The following JAKMIP3 variants were observed in gnomAD, a reference collection of about 807,000 sequenced individuals.
The protein encoded by JAKMIP3 is Janus kinase and microtubule interacting protein 3.
A neutral mutation model predicts 118.5 loss-of-function variants in JAKMIP3; 58 were observed. The ratio of observed to expected loss-of-function variants is 0.49; its 90% CI spans 0.40 to 0.61. The LOEUF (loss-of-function observed/expected upper bound fraction) is 0.61. Among genes scored for constraint, JAKMIP3 ranks in the 20% least tolerant of loss-of-function variants. JAKMIP3 has a pLI of 0.00. For missense variants in JAKMIP3, 950 were observed against 1,109.0 expected, an observed-to-expected ratio of 0.86 and a Z score of 2.04; for synonymous variants, 486 against 451.2, an observed-to-expected ratio of 1.08 and a Z score of -0.98.
rs3068079 is a variant in JAKMIP3 at position 132,071,160 on chromosome 10, A to AGTGTGTGTGTGTGTGT, written c.-138+5116_-138+5131dup. ...TTCTTTCACCTATGGGTCATTTAAA[A>AGTGTGTGTGTGTGTGT]GTGTGTGTGTGTGTGTGTGTGTGTG... On this transcript the variant is annotated intron_variant, in intron 1 of 23. Transcript: ENST00000684848. Among the ~76,000 whole-genome samples, 11 of 149,156 alleles carry AGTGTGTGTGTGTGTGT rather than the reference A, an allele frequency of 7.4e-5. No individual in the cohort carries two copies. In the East Asian group the frequency reaches 1.4e-3, roughly 19 times the overall value.
chr10:132,159,196 C>G (rs1405694862), intron 19 of JAKMIP3, among the ~76,000 whole-genome samples: 3 of 13,670 alleles, frequency 2.2e-4, no homozygotes, highest in African/African-American at 5.4e-4. Context: ...GGGGGCATCT[C>G]TCCCTGTGTG....
chr10:132,166,931 C>G (rs2058968108), intron 21 of JAKMIP3, 52 bp from the exon 22 acceptor site: 1 of 1,341,042 alleles, frequency 7.5e-7, no homozygotes, highest in Non-Finnish European at 1.0e-6. Context: ...ACTACAAACT[C>G]TTTTTTCTCT....
In JAKMIP3 at chr10:132,133,270, G is replaced by A. The variant is rs574707743; in HGVS notation, c.634-42G>A. On this transcript the variant is annotated intron_variant, in intron 3 of 23. Coordinates refer to ENST00000684848, the MANE Select transcript of JAKMIP3 (RefSeq NM_001323087.2). ...CCGTTTCTATGGTAACTGCAGATCCGTGTCCTGCCGCCTGTGTGATTGTGT... is the reference window on the plus strand; with the variant it reads ...CCGTTTCTATGGTAACTGCAGATCCATGTCCTGCCGCCTGTGTGATTGTGT... The A allele has an allele frequency of 3.1e-4, 460 of 1,481,536 alleles. 1 individual carries two copies. Among genetic ancestry groups the A allele is most frequent in the Admixed American group, 2.0e-3 (103 of 51,090 alleles). 91.8% of individuals were successfully genotyped at this position (1,481,536 alleles called of 1,614,324 possible). A position where few individuals can be genotyped will look rare whatever the true frequency, so the allele number is the denominator to read the frequency against.
Position 132,139,372 on chromosome 10 carries a change from GTGTGAGTA to G in JAKMIP3, c.1345-1071_1345-1064del, listed in dbSNP as rs1408173221. On this transcript the variant is annotated intron_variant, in intron 9 of 23. Transcript: ENST00000684848. ...TGTGAGTGTATATGCGTCTGTACGTGTGTGAGTATGTGAGTGTATGAGTATGTGAGTGT... is the reference window on the plus strand; with the variant it reads ...TGTGAGTGTATATGCGTCTGTACGTGTGTGAGTGTATGAGTATGTGAGTGT... Among the ~76,000 whole-genome samples the G allele has an allele frequency of 2.7e-4, 26 of 95,780 alleles. 1 individual carries two copies. Among genetic ancestry groups the G allele is most frequent in the African/African-American group, 6.4e-4 (15 of 23,530 alleles). 62.8% of individuals were successfully genotyped at this position (95,780 alleles called of 152,430 possible).
chr10:132,079,704 T>C (rs1010458029), intron 1 of JAKMIP3, among the ~76,000 whole-genome samples: 4 of 152,240 alleles, frequency 2.6e-5, no homozygotes, highest in African/African-American at 9.6e-5. Context: ...CTTTCTCATC[T>C]TGTAAAACTG....
intron 11 of JAKMIP3, 27 bp from the exon 12 acceptor site, chr10:132,145,080 T>G (rs763823210): frequency 1.0e-5 from 16 of 1,597,300 alleles, no homozygotes; most frequent in Non-Finnish European, 1.3e-5. Context: ...AGAGAAAATT[T>G]GATGTATCTT....
At chr10:132,069,362 T>C (rs2039452842) in intron 1 of JAKMIP3, among the ~76,000 whole-genome samples, 1 of 152,054 alleles carries the variant, frequency 6.6e-6, no homozygotes. Context: ...CACTGACCTG[T>C]TTCGTGTTAA....
At chr10:132,115,456 G>A (rs1393672635) in intron 2 of JAKMIP3, among the ~76,000 whole-genome samples, 3 of 152,214 alleles carry the variant, frequency 2.0e-5, no homozygotes, top group Admixed American at 1.3e-4. Flanking sequence ...GCCCTTCTAG[G>A]CGCCACAGCC....
intron 3 of JAKMIP3, among the ~76,000 whole-genome samples, chr10:132,132,462 G>A (rs894748653): frequency 6.6e-6 from 1 of 152,182 alleles, no homozygotes; most frequent in South Asian, 2.1e-4. Flanking sequence ...GCCCGGAAGC[G>A]GGGCGGGGTA....
intron 19 of JAKMIP3, among the ~76,000 whole-genome samples, chr10:132,159,916 ATG>A (rs2057841270): frequency 5.1e-4 from 7 of 13,750 alleles, no homozygotes; most frequent in Admixed American, 1.1e-3. Flanking sequence ...TTCCTGTGTG[ATG>A]CTGGGGGGGG....
chr10:132,068,194 A>ATGTGGACTATGGGCTTCCG (rs1564861855), intron 1 of JAKMIP3, among the ~76,000 whole-genome samples: 1 of 128,254 alleles, frequency 7.8e-6, no homozygotes, highest in African/African-American at 2.9e-5. Context: ...GTGGGCTTCC[A>ATGTGGACTATGGGCTTCCG]TGTGGACTGT....
At chr10:132,081,467 A>G (rs751331643) in intron 1 of JAKMIP3, among the ~76,000 whole-genome samples, 9 of 152,182 alleles carry the variant, frequency 5.9e-5, no homozygotes, top group Non-Finnish European at 8.8e-5. Context: ...AGTGCCTCAC[A>G]GTGTTGCCTG....
intron 14 of JAKMIP3, among the ~76,000 whole-genome samples, 159 bp from the exon 15 acceptor site, chr10:132,149,253 A>ATTCTGCCACCAC (rs1293125407): frequency 6.6e-6 from 1 of 151,986 alleles, no homozygotes; most frequent in Non-Finnish European, 1.5e-5. Context: ...TCCAGTGCAG[A>ATTCTGCCACCAC]TTCTGCCACC....
At chr10:132,163,587 C>T (rs1168974319) in intron 20 of JAKMIP3, among the ~76,000 whole-genome samples, 175 bp downstream of exon 20, 1 of 152,144 alleles carries the variant, frequency 6.6e-6, no homozygotes, top group Non-Finnish European at 1.5e-5. Context: ...TGGCCATGCC[C>T]CCAAACCGTC....
chr10:132,180,449 C>G (rs1459418093), intron 23 of JAKMIP3, among the ~76,000 whole-genome samples: 1 of 108,946 alleles, frequency 9.2e-6, no homozygotes, highest in Non-Finnish European at 1.9e-5. Context: ...GAGAAGATCA[C>G]GTTCCCTAGA....
intron 1 of JAKMIP3, among the ~76,000 whole-genome samples, chr10:132,050,304 G>A (rs575065748): frequency 3.6e-4 from 55 of 152,212 alleles, no homozygotes; most frequent in African/African-American, 8.7e-4. Context: ...GCTTCTTTCC[G>A]GCAGTGACAG....
intron 2 of JAKMIP3, among the ~76,000 whole-genome samples, chr10:132,111,506 A>T (rs2046872458): frequency 6.6e-6 from 1 of 152,140 alleles, no homozygotes; most frequent in South Asian, 2.1e-4. Flanking sequence ...AGAAGAGGTC[A>T]GCAGAGGTGG....
chr10:132,105,257 C>T (rs1027838830), intron 2 of JAKMIP3, among the ~76,000 whole-genome samples: 1 of 152,210 alleles, frequency 6.6e-6, no homozygotes, highest in Admixed American at 6.5e-5. Flanking sequence ...TGGTGCCATA[C>T]CTGGAAAGGA....
chr10:132,095,754 C>G (rs1365999512), intron 1 of JAKMIP3, among the ~76,000 whole-genome samples: 2 of 152,222 alleles, frequency 1.3e-5, no homozygotes, highest in East Asian at 1.9e-4. Context: ...CACCATGATC[C>G]TCCTCCTGGG....
Sources: allele counts gnomAD v4.1 joint callset (sites outside exome capture counted in the v4.1 genomes callset), GRCh38; gene constraint gnomAD v4.1.1; transcripts MANE v1.5; gene names NCBI Gene and HGNC (gene_info 2026-07-23, HGNC 2026-07-21).